Variants in KCNH5 observed in about 807,000 individuals in gnomAD.
KCNH5 encodes the protein voltage-gated delayed rectifier potassium channel KCNH5.
Under a neutral mutation model 96.1 loss-of-function variants are expected in KCNH5, and 46 were observed. The ratio of observed to expected loss-of-function variants is 0.48; its 90% CI spans 0.38 to 0.61. The LOEUF (loss-of-function observed/expected upper bound fraction) is 0.61, where lower values mean the gene tolerates loss of function less well. Ranked by LOEUF, KCNH5 falls within the 20% of genes least tolerant of loss-of-function variation. The probability of loss-of-function intolerance (pLI) is 0.00; values close to 1 mark genes in which losing one functional copy is unlikely to be tolerated. For synonymous variants in KCNH5, 439 were observed against 449.8 expected (o/e 0.98, Z 0.30); for missense variants, 907 against 1,225.8 (o/e 0.74, Z 3.88).
At chr14:62,795,561 C>T (rs904858762) in intron 9 of KCNH5, among the ~76,000 whole-genome samples, 3 of 152,248 alleles carry the variant, frequency 2.0e-5, no homozygotes, top group Non-Finnish European at 2.9e-5. Context: ...CACCATTTTA[C>T]GTAAGGGACT....
At chr14:62,881,613 A>G (rs1888493601) in intron 7 of KCNH5, among the ~76,000 whole-genome samples, 1 of 152,176 alleles carries the variant, frequency 6.6e-6, no homozygotes, top group Non-Finnish European at 1.5e-5. Flanking sequence ...TCTCATTTCT[A>G]GTAGAAATCC....
At chr14:63,020,019 CA>C (rs1891395450) in intron 1 of KCNH5, among the ~76,000 whole-genome samples, 1 of 152,064 alleles carries the variant, frequency 6.6e-6, no homozygotes, top group African/African-American at 2.4e-5. Flanking sequence ...GTAACTTAAA[CA>C]GACATTTCAC....
intron 2 of KCNH5, among the ~76,000 whole-genome samples, chr14:63,012,044 A>T (rs1891238791): frequency 6.6e-6 from 1 of 152,208 alleles, no homozygotes; most frequent in African/African-American, 2.4e-5. Context: ...AAAACAAAAA[A>T]TGACAGCAGA....
At chr14:62,857,738 G>GT (rs1289401268) in intron 7 of KCNH5, among the ~76,000 whole-genome samples, 1 of 152,072 alleles carries the variant, frequency 6.6e-6, no homozygotes, top group Non-Finnish European at 1.5e-5. Flanking sequence ...CAGATTATGG[G>GT]TGGGTCTACC....
chr14:62,791,727 A>G lies in KCNH5; in HGVS notation c.1822+10602T>C, dbSNP rs116087788. ...GCATCAATTTATCAAGTATATAACA[A>G]CTGTAAATATATATGTACCCAACAT... On this transcript the variant is annotated intron_variant, in intron 9 of 10. Coordinates refer to ENST00000322893, the MANE Select transcript of KCNH5 (RefSeq NM_139318.5). Among the ~76,000 whole-genome samples the G allele has an allele frequency of 5.1e-3, 779 of 151,824 alleles. 4 individuals carry two copies. Among genetic ancestry groups the G allele is most frequent in the African/African-American group, 0.018 (737 of 41,534 alleles).
chr14:62,844,926 C>G (rs770656756), intron 8 of KCNH5, among the ~76,000 whole-genome samples: 6 of 151,922 alleles, frequency 3.9e-5, no homozygotes, highest in Admixed American at 2.0e-4. Flanking sequence ...GTCATTGGGG[C>G]GAAGGTTTTT....
intron 10 of KCNH5, among the ~76,000 whole-genome samples, chr14:62,775,112 G>A (rs1417627643): frequency 6.6e-6 from 1 of 152,146 alleles, no homozygotes; most frequent in East Asian, 1.9e-4. Flanking sequence ...TGGCACATAT[G>A]ATATATGAAA....
chr14:62,770,038 A>G (rs1885951592), intron 10 of KCNH5, among the ~76,000 whole-genome samples: 1 of 152,180 alleles, frequency 6.6e-6, no homozygotes, highest in African/African-American at 2.4e-5. Flanking sequence ...TCAAGAATTG[A>G]TGGATTCGTG....
Position 63,045,368 on chromosome 14 carries a change from G to A in KCNH5, c.-182C>T, listed in dbSNP as rs1182523215. On this transcript the variant is annotated 5_prime_UTR_variant, in exon 1 of 11. Coordinates refer to ENST00000322893, the MANE Select transcript of KCNH5 (RefSeq NM_139318.5). ...GCCCGACCCGGATGAGCAGCTCTGGGGAGGAGGACCAGGCAGTTCATGGTA... is the reference window on the plus strand; with the variant it reads ...GCCCGACCCGGATGAGCAGCTCTGGAGAGGAGGACCAGGCAGTTCATGGTA... 1.9e-5 allele frequency: 12 copies of A among 624,348 alleles called. No homozygotes were observed. In the Admixed American group the frequency reaches 3.0e-4, roughly 16 times the overall value. 38.7% of individuals were successfully genotyped at this position (624,348 alleles called of 1,614,324 possible). A position where few individuals can be genotyped will look rare whatever the true frequency, so the allele number is the denominator to read the frequency against.
At chr14:62,876,033 G>A (rs548225875) in intron 7 of KCNH5, among the ~76,000 whole-genome samples, 2 of 152,154 alleles carry the variant, frequency 1.3e-5, no homozygotes, top group Non-Finnish European at 2.9e-5. Context: ...CAGGCATGGT[G>A]GCATGTGCCT....
chr14:63,033,417 T>A (rs868300182), intron 1 of KCNH5, among the ~76,000 whole-genome samples: 30 of 152,222 alleles, frequency 2.0e-4, no homozygotes, highest in African/African-American at 6.8e-4. Flanking sequence ...TTCCCACTTA[T>A]CCTCTTGTTA....
intron 8 of KCNH5, 152 bp downstream of exon 8, chr14:62,849,501 T>C: frequency 1.6e-6 from 1 of 627,486 alleles, no homozygotes. Flanking sequence ...TCTAAGCACT[T>C]AATAAATATG....
At chr14:62,772,287 T>G (rs1047661771) in intron 10 of KCNH5, among the ~76,000 whole-genome samples, 9 of 152,182 alleles carry the variant, frequency 5.9e-5, no homozygotes, top group African/African-American at 1.9e-4. Context: ...CAATATTTTT[T>G]GTAACTTCTA....
chr14:63,021,644 A>C (rs772525608), intron 1 of KCNH5, among the ~76,000 whole-genome samples: 2 of 151,898 alleles, frequency 1.3e-5, no homozygotes, highest in Non-Finnish European at 2.9e-5. Context: ...CCATCTCCTC[A>C]GCTCCTGTTC....
chr14:62,968,737 C>T (rs1421754639), intron 6 of KCNH5, among the ~76,000 whole-genome samples: 1 of 152,102 alleles, frequency 6.6e-6, no homozygotes, highest in Non-Finnish European at 1.5e-5. Flanking sequence ...TGTAGGCTGG[C>T]AATTAGATGT....
rs960291011 is a variant in KCNH5, at chr14:62,960,789, G to C, written c.943-10230C>G. Among the ~76,000 whole-genome samples the C allele has an allele frequency of 3.6e-4, 54 of 152,012 alleles. 1 individual carries two copies. The highest frequency in any genetic ancestry group is 2.9e-5 in the Non-Finnish European group (2 of 67,988). On this transcript the variant is annotated intron_variant, in intron 6 of 10. Coordinates refer to ENST00000322893, the MANE Select transcript of KCNH5 (RefSeq NM_139318.5). Reference sequence around the variant, plus strand: ...CAACTCAAGCTACCAAGAGCTCTACGGGGAAATAATCCTAATTACTCCATG... The same window carrying C: ...CAACTCAAGCTACCAAGAGCTCTACCGGGAAATAATCCTAATTACTCCATG...
rs539499203 is a variant in KCNH5, at chr14:62,782,788, A to T, written c.1823-2864T>A. Among the ~76,000 whole-genome samples, 264 of 152,164 alleles carry T rather than the reference A, an allele frequency of 1.7e-3. 2 individuals are homozygous for T. The highest frequency in any genetic ancestry group is 6.0e-3 in the African/African-American group (247 of 41,510). On this transcript the variant is annotated intron_variant, in intron 9 of 10. Coordinates refer to ENST00000322893, the MANE Select transcript of KCNH5 (RefSeq NM_139318.5). The stretch of plus-strand genomic sequence containing the variant: ...ATTGTGCCACTGCACTCCAGCCTGG[A>T]TGACAGAGTGAGACTCCATCTCAAA...
At chr14:62,761,736 C>A (rs1032324573) in intron 10 of KCNH5, among the ~76,000 whole-genome samples, 3 of 151,410 alleles carry the variant, frequency 2.0e-5, no homozygotes, top group African/African-American at 7.3e-5. Context: ...GAAGAAAAAA[C>A]GAGCCATAAA....
rs1889261795 is a variant in KCNH5 at position 62,915,814 on chromosome 14, A to C, written c.1369+34319T>G. ...CACGTACATTACTTCATTTAATCTTAACTACAACTTTAATATGAGATAGGT... is the reference window on the plus strand; with the variant it reads ...CACGTACATTACTTCATTTAATCTTCACTACAACTTTAATATGAGATAGGT... On this transcript the variant is annotated intron_variant, in intron 7 of 10. Coordinates refer to ENST00000322893, the MANE Select transcript of KCNH5 (RefSeq NM_139318.5). Among the ~76,000 whole-genome samples the C allele has an allele frequency of 2.6e-5, 4 of 152,202 alleles. No homozygotes were observed. The South Asian group carries it at 8.3e-4, about 32-fold the overall frequency.
Sources: allele counts gnomAD v4.1 joint callset (sites outside exome capture counted in the v4.1 genomes callset), GRCh38; gene constraint gnomAD v4.1.1; transcripts MANE v1.5; gene names NCBI Gene and HGNC (gene_info 2026-07-23, HGNC 2026-07-21).